TNRC18: variants seen among roughly 807,000 people sequenced by gnomAD.
TNRC18 encodes the protein trinucleotide repeat-containing gene 18 protein.
Under a neutral mutation model 226.7 loss-of-function variants are expected in TNRC18, and 69 were observed. That is an observed-to-expected ratio of 0.30 (90% confidence interval 0.25 to 0.37). The LOEUF (loss-of-function observed/expected upper bound fraction) is 0.37. Ranked by LOEUF, TNRC18 falls within the 10% of genes least tolerant of loss-of-function variation. TNRC18 has a pLI of 1.00. For synonymous variants in TNRC18, 2,449 were observed against 1,927.6 expected (o/e 1.27, Z -7.09); for missense variants, 4,754 against 4,256.6 (o/e 1.12, Z -3.25).
At chr7:5,418,820 C>A (rs1782353325) in intron 2 of TNRC18, among the ~76,000 whole-genome samples, 1 of 152,156 alleles carries the variant, frequency 6.6e-6, no homozygotes, top group African/African-American at 2.4e-5. Context: ...GGCCCAGCCC[C>A]AAGCAGAGAG....
intron 14 of TNRC18, among the ~76,000 whole-genome samples, chr7:5,360,207 A>C (rs139606214): frequency 8.0e-6 from 1 of 124,428 alleles, no homozygotes; most frequent in Non-Finnish European, 1.8e-5. Context: ...GCTGTATTTT[A>C]TTTATTTATT....
chr7:5,313,234 C>T lies in TNRC18; in HGVS notation c.7657G>A (p.Gly2553Arg), dbSNP rs1452321758. 8 of 1,549,044 alleles carry T rather than the reference C, an allele frequency of 5.2e-6. No homozygotes were observed. Among genetic ancestry groups the T allele is most frequent in the African/African-American group, 1.4e-5 (1 of 73,104 alleles). Residue 2553 changes from glycine (G) to arginine (R), a missense_variant, in exon 27 of 30, where the codon GGG becomes AGG. Transcript: ENST00000430969. ...CTGCTGCTCTCGGACTCTTCGGCCC[C>T]GTCCTGCTCAGCCTGGGCCTTGTCT... is the stretch of plus-strand genomic sequence containing the variant. ...SPDKAQAEQD[G>R]AEESESSSSS... is the part of the protein sequence containing the mutation.
Position 5,307,393 on chromosome 7 carries a change from G to C in TNRC18, c.*713C>G. The C allele has an allele frequency of 3.4e-6, 1 of 293,630 alleles. No individual in the cohort carries two copies. The highest frequency in any genetic ancestry group is 6.9e-6 in the Non-Finnish European group (1 of 144,210). The allele number at this position is 293,630 out of a possible 1,614,324, so 18.2% of individuals were successfully genotyped here. Reference sequence around the variant, plus strand: ...GTTAAGAAGTGCCACCTCCCTCCTGGGTGGGGAGGGGCCAGGCGTGGCCGG... The same window carrying C: ...GTTAAGAAGTGCCACCTCCCTCCTGCGTGGGGAGGGGCCAGGCGTGGCCGG... On this transcript the variant is annotated 3_prime_UTR_variant, in exon 30 of 30. Coordinates refer to ENST00000430969, the MANE Select transcript of TNRC18 (RefSeq NM_001080495.3).
At chr7:5,402,787 G>A (rs1781197288) in intron 2 of TNRC18, among the ~76,000 whole-genome samples, 1 of 151,978 alleles carries the variant, frequency 6.6e-6, no homozygotes, top group Non-Finnish European at 1.5e-5. Context: ...CCAGGAGACA[G>A]AAGTTGCAGT....
intron 4 of TNRC18, chr7:5,390,052 G>GT (rs985444514): frequency 8.0e-6 from 2 of 249,344 alleles, no homozygotes; most frequent in African/African-American, 4.4e-5. Context: ...CCTGTGGGGG[G>GT]TCTTAGGGAC....
rs147377845 is a variant in TNRC18, at chr7:5,405,204, G to A, written c.188-10609C>T. ...GAACTTTGGGAAGCTGAGGCAGGAG[G>A]ATCACTTGGGCTCAGGATTTCAAGA... On this transcript the variant is annotated intron_variant, in intron 2 of 29. Transcript: ENST00000430969. 4.0e-4 allele frequency among the ~76,000 whole-genome samples: 61 copies of A among 152,230 alleles called. No individual in the cohort carries two copies. In the East Asian group the frequency reaches 0.011, roughly 28 times the overall value.
chr7:5,327,024 T>C (rs1288581327), intron 19 of TNRC18, among the ~76,000 whole-genome samples: 2 of 151,584 alleles, frequency 1.3e-5, no homozygotes, highest in Non-Finnish European at 2.9e-5. Context: ...CTCGGGAGGC[T>C]GAGGCAGGAG....
intron 15 of TNRC18, among the ~76,000 whole-genome samples, chr7:5,358,568 C>G (rs1368053339): frequency 6.6e-6 from 1 of 152,194 alleles, no homozygotes; most frequent in Non-Finnish European, 1.5e-5. Context: ...AATTCCAGCA[C>G]TTTGGGAGGC....
Position 5,312,820 on chromosome 7 carries a change from C to T in TNRC18, c.8071G>A (p.Ala2691Thr), listed in dbSNP as rs774616116. ...SDDEAAPAPTAGPSAQAALPT... is the reference protein window; with the variant it reads ...SDDEAAPAPTTGPSAQAALPT... ...AGCGCCGCCTGCGCGGAAGGGCCAG[C>T]CGTGGGGGCGGGGGCTGCCTCATCG... Residue 2691 changes from alanine to threonine, a missense_variant, in exon 27 of 30, where the codon GCT (alanine) becomes ACT (threonine). Physicochemically the swap from Ala to Thr is moderately conservative, Grantham distance 58 (BLOSUM62 0). Coordinates refer to ENST00000430969, the MANE Select transcript of TNRC18 (RefSeq NM_001080495.3). This position sits in a 1 kb window ranked among gnomAD's most constrained non-coding sequence, Gnocchi z 6.3. 49 of 1,531,234 alleles carry T rather than the reference C, an allele frequency of 3.2e-5. No individual in the cohort carries two copies. The highest frequency in any genetic ancestry group is 4.2e-5 in the Non-Finnish European group (48 of 1,142,128). The allele number at this position is 1,531,234 out of a possible 1,614,324, so 94.9% of individuals were successfully genotyped here.
At position 5,325,849 on chromosome 7, in the gene TNRC18, AC is replaced by A. The variant is rs1311958116; in HGVS notation, c.6148-602del. ...CCTCCTGGGCTCACGTTATCCTCCT[AC>A]CTCAGCCTCCTGAGTAGCTGGACTA... On this transcript the variant is annotated intron_variant, in intron 19 of 29. Coordinates refer to ENST00000430969, the MANE Select transcript of TNRC18 (RefSeq NM_001080495.3). Among the ~76,000 whole-genome samples the A allele has an allele frequency of 4.3e-5, 6 of 140,786 alleles. No homozygotes were observed. The East Asian group carries it at 1.2e-3, about 29-fold the overall frequency. 92.4% of individuals were successfully genotyped at this position (140,786 alleles called of 152,430 possible).
At chr7:5,318,657 A>G (rs905947033) in intron 24 of TNRC18, among the ~76,000 whole-genome samples, 1 of 152,164 alleles carries the variant, frequency 6.6e-6, no homozygotes, top group East Asian at 1.9e-4. Flanking sequence ...GAAGATCCTA[A>G]AAGTTTCCAG....
chr7:5,377,423 G>T lies in TNRC18; in HGVS notation c.2409C>A (p.Pro803=). The T allele has an allele frequency of 6.3e-7, 1 of 1,590,112 alleles. No homozygotes were observed. The highest frequency in any genetic ancestry group is 2.3e-5 in the East Asian group (1 of 43,518). The change falls in exon 7 of 30, where the codon CCC becomes CCA. Residue 803 remains proline (P), a synonymous_variant. Transcript: ENST00000430969. The surrounding 1 kb of genome is among the most constrained non-coding windows in gnomAD (Gnocchi z 5.8). Reference sequence around the variant, plus strand: ...ATGCGTTGCCCGAGCGGGGCAACCAGGGGTGCGTGGCCAGATGGGCTGCGG... The same window carrying T: ...ATGCGTTGCCCGAGCGGGGCAACCATGGGTGCGTGGCCAGATGGGCTGCGG... The part of the protein sequence containing the change: ...ADPAAHLATH[P]WLPRSGNASM...
chr7:5,313,022 G>T lies in TNRC18; in HGVS notation c.7869C>A (p.Ser2623=), dbSNP rs780056078. The part of the protein sequence containing the change: ...ASSSSSSSSS[S]SSSSSSSSSS... ...AGGAGGATGAGGAGGAGGAGGAGGA[G>T]GAGGAGGAGGATGAGGAGGAGGAGG... is the stretch of plus-strand genomic sequence containing the variant. The change falls in exon 27 of 30, where the codon TCC becomes TCA. Residue 2623 remains serine, a synonymous_variant. Coordinates refer to ENST00000430969, the MANE Select transcript of TNRC18 (RefSeq NM_001080495.3). The T allele has an allele frequency of 8.1e-4, 680 of 843,364 alleles. 5 individuals carry two copies. The highest frequency in any genetic ancestry group is 3.5e-4 in the Non-Finnish European group (184 of 527,820). The allele number at this position is 843,364 out of a possible 1,614,324, so 52.2% of individuals were successfully genotyped here.
At chr7:5,408,654 G>C (rs1307604633) in intron 2 of TNRC18, among the ~76,000 whole-genome samples, 2 of 150,822 alleles carry the variant, frequency 1.3e-5, no homozygotes, top group African/African-American at 4.9e-5. Context: ...AAAACAGAAA[G>C]AAAAAAAAAC....
At chr7:5,405,869 G>A (rs925898736) in intron 2 of TNRC18, among the ~76,000 whole-genome samples, 1 of 152,222 alleles carries the variant, frequency 6.6e-6, no homozygotes, top group African/African-American at 2.4e-5. Context: ...TTTGAGACCA[G>A]TCTCGGCAAC....
chr7:5,410,884 A>AAG, intron 2 of TNRC18, among the ~76,000 whole-genome samples: 1 of 146,576 alleles, frequency 6.8e-6, no homozygotes, highest in Non-Finnish European at 1.5e-5. Flanking sequence ...AAAAAAAAAA[A>AAG]GGGAAGAGAA....
chr7:5,313,906 G>T (rs1278479941), intron 26 of TNRC18, 43 bp from the exon 27 acceptor site: 2 of 1,428,010 alleles, frequency 1.4e-6, no homozygotes, highest in East Asian at 4.9e-5. Context: ...GGGGCTTCCT[G>T]GCAGAGATGA....
chr7:5,307,976 C>G lies in TNRC18; in HGVS notation c.*130G>C. The G allele has an allele frequency of 4.9e-6, 4 of 819,618 alleles. No homozygotes were observed. Among genetic ancestry groups the G allele is most frequent in the Non-Finnish European group, 7.7e-6 (4 of 521,970 alleles). 50.8% of individuals were successfully genotyped at this position (819,618 alleles called of 1,614,324 possible). A position where few individuals can be genotyped will look rare whatever the true frequency, so the allele number is the denominator to read the frequency against. Reference sequence around the variant, plus strand: ...CTCACCCGGGCATCCACGTGCACACCTGGCCCCATGCACACGCCTGCAGGA... The same window carrying G: ...CTCACCCGGGCATCCACGTGCACACGTGGCCCCATGCACACGCCTGCAGGA... On this transcript the variant is annotated 3_prime_UTR_variant, in exon 30 of 30. Transcript: ENST00000430969.
At chr7:5,374,578 C>A (rs948279445) in intron 9 of TNRC18, 94 bp from the exon 10 acceptor site, 4 of 1,306,164 alleles carry the variant, frequency 3.1e-6, no homozygotes, top group Non-Finnish European at 4.1e-6. Context: ...TCCCCGAGTC[C>A]GAGGAGAACC....
Sources: gnomAD v4.1 joint callset for allele counts (sites outside exome capture counted in the v4.1 genomes callset) on GRCh38, gnomAD v4.1.1 for gene constraint, Gnocchi (gnomAD v3.1) non-coding constraint, MANE v1.5 for transcripts, NCBI Gene and HGNC (gene_info 2026-07-23, HGNC 2026-07-21) for gene names.